SGCZ: variants seen among roughly 807,000 people sequenced by gnomAD.
The protein encoded by SGCZ is sarcoglycan zeta.
A neutral mutation model predicts 41.3 loss-of-function variants in SGCZ; 40 were observed. The ratio of observed to expected loss-of-function variants is 0.97; its 90% confidence interval spans 0.75 to 1.26. SGCZ has a LOEUF of 1.26. SGCZ is among the 50% of genes most tolerant of loss of function. SGCZ has a pLI of 0.00. For missense variants in SGCZ, 552 were observed against 369.8 expected, an observed-to-expected ratio of 1.49 and a Z score of -4.04; for synonymous variants, 206 against 137.5, an observed-to-expected ratio of 1.50 and a Z score of -3.49.
intron 1 of SGCZ, among the ~76,000 whole-genome samples, chr8:14,997,797 T>C (rs913584975): frequency 6.6e-6 from 1 of 151,986 alleles, no homozygotes; most frequent in Non-Finnish European, 1.5e-5. Flanking sequence ...TAGTCTCTAC[T>C]AAAAATACAA....
chr8:14,590,290 C>G (rs1387390378), intron 1 of SGCZ, among the ~76,000 whole-genome samples: 1 of 151,736 alleles, frequency 6.6e-6, no homozygotes, highest in Non-Finnish European at 1.5e-5. Context: ...AGCACATAAA[C>G]AGGAGTTAAA....
At chr8:14,688,021 C>T (rs367884045) in intron 1 of SGCZ, among the ~76,000 whole-genome samples, 57 of 152,098 alleles carry the variant, frequency 3.7e-4, no homozygotes, top group South Asian at 3.1e-3. Context: ...TCATGTCCTT[C>T]GCCCACTTTT....
intron 2 of SGCZ, among the ~76,000 whole-genome samples, chr8:14,382,533 C>G (rs551614408): frequency 6.6e-6 from 1 of 152,220 alleles, no homozygotes; most frequent in Non-Finnish European, 1.5e-5. Context: ...CCTAAAACTC[C>G]TAAGGCACAT....
intron 4 of SGCZ, among the ~76,000 whole-genome samples, chr8:14,208,936 C>A (rs1411131599): frequency 6.6e-6 from 1 of 152,114 alleles, no homozygotes; most frequent in Non-Finnish European, 1.5e-5. Context: ...CCATTTCTAA[C>A]AAAAAGCAGC....
intron 3 of SGCZ, among the ~76,000 whole-genome samples, chr8:14,239,027 G>C (rs1209828917): frequency 3.3e-5 from 5 of 150,782 alleles, no homozygotes; most frequent in South Asian, 2.1e-4. Flanking sequence ...AGAAAAAAAA[G>C]TCTAGTTTTT....
intron 1 of SGCZ, among the ~76,000 whole-genome samples, chr8:14,716,163 G>A (rs751383325): frequency 5.9e-5 from 9 of 151,774 alleles, no homozygotes; most frequent in East Asian, 3.9e-4. Flanking sequence ...TAATTGAGCC[G>A]AGTATCCAAA....
At chr8:15,040,798 CAT>C (rs1804067296) in intron 1 of SGCZ, among the ~76,000 whole-genome samples, 1 of 152,096 alleles carries the variant, frequency 6.6e-6, no homozygotes, top group African/African-American at 2.4e-5. Context: ...CTTTTTTAAA[CAT>C]ATCAAAAGAT....
chr8:14,301,951 C>A (rs984675918), intron 3 of SGCZ, among the ~76,000 whole-genome samples: 1 of 152,212 alleles, frequency 6.6e-6, no homozygotes, highest in African/African-American at 2.4e-5. Flanking sequence ...CCAAGGCTGC[C>A]TTTCATTTAC....
chr8:14,133,750 CT>C (rs1002898917), intron 5 of SGCZ, among the ~76,000 whole-genome samples: 9 of 150,884 alleles, frequency 6.0e-5, no homozygotes, highest in East Asian at 3.9e-4. Context: ...ACAGTTTCTG[CT>C]TTTTTTTTAA....
At chr8:15,048,819 G>A (rs184615700) in intron 1 of SGCZ, among the ~76,000 whole-genome samples, 54 of 151,910 alleles carry the variant, frequency 3.6e-4, no homozygotes, top group Non-Finnish European at 4.9e-4. Flanking sequence ...TTTTTTTAAC[G>A]TAAGAAAAGA....
intron 1 of SGCZ, among the ~76,000 whole-genome samples, chr8:14,778,691 G>A (rs149540019): frequency 6.6e-6 from 1 of 152,230 alleles, no homozygotes; most frequent in East Asian, 1.9e-4. Context: ...TCAATGACGA[G>A]GAAACCCATA....
chr8:15,076,089 C>T (rs1162324290), intron 1 of SGCZ, among the ~76,000 whole-genome samples: 3 of 152,016 alleles, frequency 2.0e-5, no homozygotes, highest in Admixed American at 6.6e-5. Flanking sequence ...TAATAGATAC[C>T]TTTTTTCCTT....
At chr8:14,305,326 C>A (rs1046807318) in intron 3 of SGCZ, among the ~76,000 whole-genome samples, 1 of 152,102 alleles carries the variant, frequency 6.6e-6, no homozygotes, top group Non-Finnish European at 1.5e-5. Flanking sequence ...GATATGACCA[C>A]AGCGTGCAAT....
At chr8:14,831,826 G>A (rs1313999939) in intron 1 of SGCZ, among the ~76,000 whole-genome samples, 1 of 152,016 alleles carries the variant, frequency 6.6e-6, no homozygotes, top group African/African-American at 2.4e-5. Context: ...GCACATACAT[G>A]TATATATGTG....
At chr8:14,173,530 A>C (rs2117005533) in intron 4 of SGCZ, among the ~76,000 whole-genome samples, 1 of 152,302 alleles carries the variant, frequency 6.6e-6, no homozygotes, top group East Asian at 1.9e-4. Context: ...AGAAAGAATT[A>C]GTGAACTTGA....
At chr8:14,884,150 T>A (rs761169744) in intron 1 of SGCZ, among the ~76,000 whole-genome samples, 7 of 152,146 alleles carry the variant, frequency 4.6e-5, no homozygotes, top group Non-Finnish European at 1.0e-4. Context: ...TCAGATTGAA[T>A]AAACAATCAC....
chr8:15,137,603 AG>A (rs1215045081), intron 1 of SGCZ, among the ~76,000 whole-genome samples: 1 of 152,174 alleles, frequency 6.6e-6, no homozygotes. Context: ...CTTGGCTAAA[AG>A]GGGACAAGGT....
intron 1 of SGCZ, among the ~76,000 whole-genome samples, chr8:14,862,693 A>C (rs527899963): frequency 6.6e-6 from 1 of 151,336 alleles, no homozygotes; most frequent in Non-Finnish European, 1.5e-5. Flanking sequence ...TGCAGAAATG[A>C]TTATAATTAG....
intron 2 of SGCZ, chr8:14,332,625 T>C (rs889272333): frequency 2.0e-5 from 3 of 152,002 alleles, no homozygotes; most frequent in African/African-American, 7.2e-5. Flanking sequence ...ATCCTTCTAC[T>C]CTTTTCCCCT....
Sources: gnomAD v4.1 joint callset for allele counts (sites outside exome capture counted in the v4.1 genomes callset) on GRCh38, gnomAD v4.1.1 for gene constraint, MANE v1.5 for transcripts, NCBI Gene and HGNC (gene_info 2026-07-23, HGNC 2026-07-21) for gene names.